CCDC102B: variants seen among roughly 807,000 people sequenced by gnomAD.
The protein encoded by CCDC102B is coiled-coil domain-containing protein 102B.
In CCDC102B, 75 loss-of-function variants were observed where a neutral mutation model predicts 57.4. The ratio of observed to expected loss-of-function variants is 1.31; its 90% CI spans 1.08 to 1.58. The LOEUF is 1.58. Among genes scored for constraint, CCDC102B ranks in the 40% most tolerant of loss-of-function variants. CCDC102B has a pLI of 0.00. For missense variants in CCDC102B, 636 were observed against 582.6 expected (o/e 1.09, Z -0.94); for synonymous variants, 206 against 201.9 (o/e 1.02, Z -0.17).
At chr18:68,769,040 G>A (rs1289740696) in intron 2 of CCDC102B, among the ~76,000 whole-genome samples, 1 of 151,984 alleles carries the variant, frequency 6.6e-6, no homozygotes, top group African/African-American at 2.4e-5. Flanking sequence ...GATCACCTGA[G>A]GTCAGGAGTT....
At chr18:68,863,192 ATT>A (rs2038834362) in intron 4 of CCDC102B, among the ~76,000 whole-genome samples, 2 of 136,592 alleles carry the variant, frequency 1.5e-5, no homozygotes, top group Non-Finnish European at 1.6e-5. Context: ...ATATATATAT[ATT>A]TATATCTATT....
Position 68,897,290 on chromosome 18 carries a change from A to T in CCDC102B, c.1125A>T (p.Gly375=), listed in dbSNP as rs1459550395. The T allele has an allele frequency of 1.2e-6, 2 of 1,613,186 alleles. No homozygotes were observed. Among genetic ancestry groups the T allele is most frequent in the South Asian group, 2.2e-5 (2 of 91,052 alleles). The change falls in exon 6 of 8, where the codon GGA becomes GGT. Residue 375 remains glycine, a synonymous_variant. Transcript: ENST00000360242. The part of the protein sequence containing the change: ...KREILEREKQ[G]LERENRRLKI... The stretch of plus-strand genomic sequence containing the variant: ...AAATACTTGAAAGAGAAAAGCAGGG[A>T]CTGGAGAGAGAAAATAGAAGGCTGA...
chr18:68,724,579 T>C (rs2362105), intron 2 of CCDC102B, among the ~76,000 whole-genome samples: 15,226 of 152,210 alleles, frequency 0.1, 780 homozygotes, highest in East Asian at 0.11. Flanking sequence ...TAGCAAGAAT[T>C]ACCTTTATTC....
rs1241100678 is a variant in CCDC102B, at chr18:68,786,466, A to G, written c.-66-36900A>G. 9.2e-5 allele frequency among the ~76,000 whole-genome samples: 13 copies of G among 141,060 alleles called. No individual in the cohort carries two copies. In the South Asian group the frequency reaches 1.9e-3, roughly 21 times the overall value. The allele number at this position is 141,060 out of a possible 152,430, so 92.5% of individuals were successfully genotyped here. ...GATTCTTCCTACCCATGAGCATGGA[A>G]TGTTCTTCCATTTGTTTGTATCCTC... On this transcript the variant is annotated intron_variant, in intron 2 of 3. Transcript: ENST00000578970.
At chr18:68,993,735 A>G (rs1212350564) in intron 6 of CCDC102B, among the ~76,000 whole-genome samples, 3 of 152,186 alleles carry the variant, frequency 2.0e-5, no homozygotes, top group African/African-American at 7.2e-5. Flanking sequence ...ATGGATGTAC[A>G]TATATACTCA....
At chr18:68,914,751 T>A (rs79791464) in intron 6 of CCDC102B, among the ~76,000 whole-genome samples, 3,287 of 152,310 alleles carry the variant, frequency 0.022, 110 homozygotes, top group African/African-American at 0.075. Flanking sequence ...CACACTTATT[T>A]CAGTGTTTAA....
intron 2 of CCDC102B, among the ~76,000 whole-genome samples, chr18:68,785,986 A>G (rs997328542): frequency 1.3e-5 from 2 of 151,988 alleles, no homozygotes; most frequent in East Asian, 1.9e-4. Context: ...TCTTTAATCC[A>G]TCTTGAATTG....
chr18:68,723,279 G>T (rs2032439222), intron 2 of CCDC102B, among the ~76,000 whole-genome samples: 1 of 152,090 alleles, frequency 6.6e-6, no homozygotes. Context: ...GATGAGATTT[G>T]GGTGGGGACA....
rs28633227 is a variant in CCDC102B, at chr18:68,807,065, T to C, written c.-16+8884T>C. On this transcript the variant is annotated intron_variant, in intron 1 of 7. Transcript: ENST00000360242. Reference sequence around the variant, plus strand: ...TTGAAAGGGGGAACACATATGAGTTTGAACGACCTTATCAAGGAAGAGAAT... The same window carrying C: ...TTGAAAGGGGGAACACATATGAGTTCGAACGACCTTATCAAGGAAGAGAAT... 2.0e-3 allele frequency among the ~76,000 whole-genome samples: 304 copies of C among 152,308 alleles called. 1 individual carries two copies. The highest frequency in any genetic ancestry group is 6.9e-3 in the African/African-American group (288 of 41,588).
At chr18:68,991,211 C>T (rs557646119) in intron 6 of CCDC102B, among the ~76,000 whole-genome samples, 8 of 129,714 alleles carry the variant, frequency 6.2e-5, no homozygotes, top group Non-Finnish European at 1.1e-4. Flanking sequence ...CATTTATTTT[C>T]TTCATTTCTC....
intron 2 of CCDC102B, among the ~76,000 whole-genome samples, chr18:68,761,268 C>T (rs1287246132): frequency 2.0e-5 from 3 of 152,052 alleles, no homozygotes; most frequent in Non-Finnish European, 4.4e-5. Context: ...TTTAAACATT[C>T]GTCTACAACT....
chr18:68,868,603 C>G (rs900787843), intron 4 of CCDC102B, among the ~76,000 whole-genome samples: 1 of 152,148 alleles, frequency 6.6e-6, no homozygotes, highest in East Asian at 1.9e-4. Flanking sequence ...TTCCTTCTTA[C>G]GTTCCTCACC....
intron 6 of CCDC102B, among the ~76,000 whole-genome samples, chr18:68,991,887 G>A (rs924670123): frequency 3.3e-5 from 5 of 152,018 alleles, no homozygotes; most frequent in African/African-American, 9.7e-5. Flanking sequence ...AGCCTACAAC[G>A]TAAGAACTAA....
At chr18:68,828,331 A>G (rs901416853) in intron 1 of CCDC102B, among the ~76,000 whole-genome samples, 9 of 149,996 alleles carry the variant, frequency 6.0e-5, no homozygotes, top group Admixed American at 5.3e-4. Flanking sequence ...ACAAAAAAAA[A>G]AAAAAAAAAA....
chr18:68,993,909 C>T (rs1406211248), intron 6 of CCDC102B, among the ~76,000 whole-genome samples: 2 of 152,192 alleles, frequency 1.3e-5, no homozygotes, highest in Non-Finnish European at 2.9e-5. Flanking sequence ...TACGCCTACA[C>T]TGTGGTTGGT....
chr18:68,813,792 A>ATATATC (rs1396012169), intron 1 of CCDC102B, among the ~76,000 whole-genome samples: 1 of 149,894 alleles, frequency 6.7e-6, no homozygotes, highest in Admixed American at 6.7e-5. Flanking sequence ...ATATATATAT[A>ATATATC]TCTTTAGTTT....
At chr18:69,029,796 G>A (rs2052090034) in intron 7 of CCDC102B, among the ~76,000 whole-genome samples, 1 of 152,180 alleles carries the variant, frequency 6.6e-6, no homozygotes, top group South Asian at 2.1e-4. Context: ...TATGTTCAAA[G>A]AAGAAGGAAG....
intron 7 of CCDC102B, among the ~76,000 whole-genome samples, chr18:69,044,882 T>C (rs1313002624): frequency 2.0e-5 from 3 of 152,186 alleles, no homozygotes. Flanking sequence ...ACAACAGGAA[T>C]TTATTTTTTC....
intron 2 of CCDC102B, chr18:68,718,137 C>T (rs1212698266): frequency 6.6e-6 from 1 of 152,176 alleles, no homozygotes; most frequent in Non-Finnish European, 1.5e-5. Flanking sequence ...TTATAAATTA[C>T]CAAGTCTGTA....
Sources: allele counts gnomAD v4.1 joint callset (sites outside exome capture counted in the v4.1 genomes callset), GRCh38; gene constraint gnomAD v4.1.1; transcripts MANE v1.5; gene names NCBI Gene and HGNC (gene_info 2026-07-23, HGNC 2026-07-21).